RANBP2: variants seen among roughly 807,000 people sequenced by gnomAD.
RANBP2 encodes the protein RAN binding protein 2, also known as E3 SUMO-protein ligase RanBP2.
RANBP2 carries 57 observed loss-of-function variants against 303.6 expected under a neutral mutation model. The observed-to-expected ratio is 0.19, with a 90% CI of 0.15 to 0.23. RANBP2 has a LOEUF of 0.23. RANBP2 is among the 10% of genes least tolerant of loss of function. RANBP2 has a pLI of 1.00. For synonymous variants in RANBP2, 1,167 were observed against 1,301.5 expected, an observed-to-expected ratio of 0.90 and a Z score of 2.23; for missense variants, 3,138 against 3,780.8, an observed-to-expected ratio of 0.83 and a Z score of 4.46.
chr2:109,657,628 G>T, the RANBP2 span, among the ~76,000 whole-genome samples: 4 of 151,178 alleles, frequency 2.6e-5, no homozygotes, highest in African/African-American at 9.7e-5. Context: ...CTAGGAATAA[G>T]ATTAATATCT....
At chr2:109,539,111 A>G in the RANBP2 span, among the ~76,000 whole-genome samples, 1 of 152,062 alleles carries the variant, frequency 6.6e-6, no homozygotes, top group Non-Finnish European at 1.5e-5. Flanking sequence ...CAGCCTGACC[A>G]ATATGGTGAA....
the RANBP2 span, among the ~76,000 whole-genome samples, chr2:108,917,223 C>G: frequency 1.3e-5 from 2 of 152,206 alleles, no homozygotes; most frequent in Admixed American, 1.3e-4. Flanking sequence ...ACGCGCGGCT[C>G]GTGTGGAAGC....
chr2:108,726,643 T>A (rs1252623384), intron 1 of RANBP2, among the ~76,000 whole-genome samples: 1 of 151,846 alleles, frequency 6.6e-6, no homozygotes, highest in Admixed American at 6.6e-5. Flanking sequence ...TTTTTTTAAT[T>A]TATTTTTTTA....
the RANBP2 span, among the ~76,000 whole-genome samples, chr2:109,517,577 G>T: frequency 6.6e-6 from 1 of 152,228 alleles, no homozygotes; most frequent in East Asian, 1.9e-4. Flanking sequence ...TTGGAATCCT[G>T]CCCAGGCCCT....
the RANBP2 span, among the ~76,000 whole-genome samples, chr2:108,889,565 T>C: frequency 6.6e-6 from 1 of 152,104 alleles, no homozygotes; most frequent in African/African-American, 2.4e-5. Flanking sequence ...CTTTTTTTTT[T>C]TTCACTGTTT....
chr2:108,891,553 G>A, the RANBP2 span, among the ~76,000 whole-genome samples: 1 of 152,218 alleles, frequency 6.6e-6, no homozygotes, highest in Non-Finnish European at 1.5e-5. Flanking sequence ...AGGCCCTAGT[G>A]ATGACAGCAA....
chr2:109,355,650 G>C, the RANBP2 span, among the ~76,000 whole-genome samples: 4 of 152,136 alleles, frequency 2.6e-5, no homozygotes, highest in Non-Finnish European at 5.9e-5. Flanking sequence ...TTTCCTCTTC[G>C]GCCATTGGGA....
the RANBP2 span, among the ~76,000 whole-genome samples, chr2:108,857,955 G>T: frequency 1.3e-5 from 2 of 152,218 alleles, no homozygotes; most frequent in African/African-American, 4.8e-5. Context: ...CTGCTTGGGT[G>T]AAATAAATTG....
intron 8 of RANBP2, among the ~76,000 whole-genome samples, chr2:108,747,613 C>T (rs1355637775): frequency 1.3e-5 from 2 of 152,032 alleles, no homozygotes; most frequent in Non-Finnish European, 2.9e-5. Flanking sequence ...CCTTGCAGGG[C>T]TCTCATAAGT....
At chr2:109,662,542 G>A in the RANBP2 span, among the ~76,000 whole-genome samples, 1 of 151,686 alleles carries the variant, frequency 6.6e-6, no homozygotes. Flanking sequence ...ACCATGCCTG[G>A]CTAAATTTTA....
At chr2:109,195,505 T>C in the RANBP2 span, among the ~76,000 whole-genome samples, 1 of 152,234 alleles carries the variant, frequency 6.6e-6, no homozygotes, top group Admixed American at 6.5e-5. Context: ...GGCTTTATTT[T>C]GGAAACCTAC....
At chr2:109,659,060 GC>G in the RANBP2 span, among the ~76,000 whole-genome samples, 13 of 133,114 alleles carry the variant, frequency 9.8e-5, no homozygotes, top group Admixed American at 3.0e-4. Context: ...GCGAGACTCC[GC>G]CCCCCCGCCA....
chr2:109,463,502 A>C, the RANBP2 span, among the ~76,000 whole-genome samples: 1 of 152,178 alleles, frequency 6.6e-6, no homozygotes. Flanking sequence ...CTCCCCTCAC[A>C]CATCTGTTTC....
At chr2:108,940,380 T>G in the RANBP2 span, 2 of 152,384 alleles carry the variant, frequency 1.3e-5, no homozygotes, top group East Asian at 3.9e-4. Context: ...AAAGCACGTG[T>G]GGCTCCTCCA....
chr2:108,820,838 A>G, the RANBP2 span, among the ~76,000 whole-genome samples: 22 of 152,216 alleles, frequency 1.4e-4, no homozygotes, highest in African/African-American at 4.1e-4. Flanking sequence ...AAATTACTAA[A>G]GAGAGTCCTT....
At chr2:109,396,304 G>A in the RANBP2 span, among the ~76,000 whole-genome samples, 3 of 152,184 alleles carry the variant, frequency 2.0e-5, no homozygotes, top group African/African-American at 7.2e-5. Flanking sequence ...AGCCTGGTTG[G>A]AGGAAACATT....
the RANBP2 span, among the ~76,000 whole-genome samples, chr2:109,733,943 G>C: frequency 6.6e-6 from 1 of 151,864 alleles, no homozygotes; most frequent in African/African-American, 2.4e-5. Flanking sequence ...AGGCCGACGT[G>C]GGCCGCGGGC....
the RANBP2 span, among the ~76,000 whole-genome samples, chr2:109,014,728 G>C: frequency 1.3e-4 from 20 of 152,338 alleles, no homozygotes; most frequent in East Asian, 3.9e-3. Flanking sequence ...GGCGTGCAGG[G>C]CGCAGAGCCA....
the RANBP2 span, among the ~76,000 whole-genome samples, chr2:109,353,570 G>A: frequency 6.6e-6 from 1 of 152,152 alleles, no homozygotes; most frequent in Non-Finnish European, 1.5e-5. Flanking sequence ...GTGGAGTGGG[G>A]TGCCCTGTGT....
Sources: gnomAD v4.1 joint callset for allele counts (sites outside exome capture counted in the v4.1 genomes callset) on GRCh38, gnomAD v4.1.1 for gene constraint, MANE v1.5 for transcripts, NCBI Gene and HGNC (gene_info 2026-07-23, HGNC 2026-07-21) for gene names.